The following FHIP2A variants were observed in gnomAD, a reference collection of about 807,000 sequenced individuals.
FHIP2A encodes the protein family with sequence similarity 160 member B1.
In FHIP2A, 46 loss-of-function variants were observed where a neutral mutation model predicts 93.5. The observed-to-expected ratio is 0.49, with a 90% CI of 0.39 to 0.63. The LOEUF is 0.63. FHIP2A is among the 20% of genes least tolerant of loss of function. The pLI, the probability that FHIP2A is intolerant of heterozygous loss-of-function variation, is 0.00. For synonymous variants in FHIP2A, 332 were observed against 326.5 expected (o/e 1.02, Z -0.18); for missense variants, 769 against 909.7 (o/e 0.85, Z 1.99).
At chr10:114,853,804 GC>G (rs1342439408) in intron 13 of FHIP2A, among the ~76,000 whole-genome samples, 1 of 152,112 alleles carries the variant, frequency 6.6e-6, no homozygotes, top group Non-Finnish European at 1.5e-5. Flanking sequence ...CTGGAGACCA[GC>G]CTGGCCAACA....
At chr10:114,888,111 GC>G (rs2083952097) in intron 16 of FHIP2A, among the ~76,000 whole-genome samples, 1 of 152,080 alleles carries the variant, frequency 6.6e-6, no homozygotes, top group South Asian at 2.1e-4. Context: ...TGCTTCTATG[GC>G]CCCAGCTCCC....
intron 2 of FHIP2A, among the ~76,000 whole-genome samples, chr10:114,832,496 G>A (rs961885915): frequency 6.6e-5 from 10 of 152,006 alleles, no homozygotes; most frequent in Non-Finnish European, 7.4e-5. Flanking sequence ...TTGCCTTCAT[G>A]TTCAAGGCCA....
intron 5 of FHIP2A, among the ~76,000 whole-genome samples, chr10:114,837,156 G>A (rs933922407): frequency 2.0e-4 from 31 of 152,100 alleles, no homozygotes; most frequent in South Asian, 2.1e-4. Flanking sequence ...CTCCTGCCTC[G>A]GCCTCCCAAA....
intron 16 of FHIP2A, among the ~76,000 whole-genome samples, chr10:114,886,413 T>G (rs749430308): frequency 6.6e-6 from 1 of 151,996 alleles, no homozygotes; most frequent in Non-Finnish European, 1.5e-5. Context: ...TTTAAAGTTT[T>G]CTCTGAAAGA....
rs149979609 is a variant in FHIP2A at position 114,846,208 on chromosome 10, G to A, written c.1239G>A (p.Leu413=). The A allele has an allele frequency of 2.5e-6, 4 of 1,614,026 alleles. No homozygotes were observed. Among genetic ancestry groups the A allele is most frequent in the Non-Finnish European group, 3.4e-6 (4 of 1,180,034 alleles). The stretch of plus-strand genomic sequence containing the variant: ...TGGGTATTCTCACATCCACTGCTCT[G>A]CTTCATCGCATCGTTCGGCAAGTGA... ...SEMGILTSTA[L]LHRIVRQVTS... Residue 413 remains leucine (L), a synonymous_variant, in exon 10 of 17, where the codon CTG becomes CTA. Coordinates refer to ENST00000369248, the MANE Select transcript of FHIP2A (RefSeq NM_020940.4).
chr10:114,823,994 A>T (rs2420065), intron 1 of FHIP2A, among the ~76,000 whole-genome samples: 2 of 152,012 alleles, frequency 1.3e-5, no homozygotes, highest in African/African-American at 2.4e-5. Context: ...TGAATTTGCC[A>T]TATTCAAGTA....
chr10:114,828,045 G>T (rs2083587406), intron 1 of FHIP2A, among the ~76,000 whole-genome samples: 1 of 151,628 alleles, frequency 6.6e-6, no homozygotes, highest in Admixed American at 6.6e-5. Flanking sequence ...TTTTTATGCA[G>T]TGATAAAACA....
Position 114,833,244 on chromosome 10 carries a change from C to T in FHIP2A, c.136C>T (p.Pro46Ser). The change falls in exon 3 of 17, where the codon CCA becomes TCA. Residue 46 changes from proline (P) to serine (S), a missense_variant. Coordinates refer to ENST00000369248, the MANE Select transcript of FHIP2A (RefSeq NM_020940.4). The stretch of plus-strand genomic sequence containing the variant: ...TTTTTATTGTTTAGATGATAAAGCC[C>T]CAGTGACCGATACAAATATTCCATC... ...YYIETSDDKA[P>S]VTDTNIPSHL... The T allele has an allele frequency of 6.2e-7, 1 of 1,607,608 alleles. No individual in the cohort carries two copies. Among genetic ancestry groups the T allele is most frequent in the South Asian group, 1.1e-5 (1 of 89,364 alleles).
intron 16 of FHIP2A, among the ~76,000 whole-genome samples, chr10:114,893,900 C>T (rs575930661): frequency 1.1e-4 from 16 of 151,964 alleles, no homozygotes; most frequent in African/African-American, 3.4e-4. Context: ...ATTGTACAGT[C>T]CTAATGAGAG....
intron 16 of FHIP2A, among the ~76,000 whole-genome samples, chr10:114,888,655 T>G (rs2143015864): frequency 6.6e-6 from 1 of 152,184 alleles, no homozygotes; most frequent in Non-Finnish European, 1.5e-5. Context: ...CAGGCTGGAG[T>G]GCAATGGTGC....
At position 114,858,830 on chromosome 10, in the gene FHIP2A, A is replaced by T. The variant is rs145132042; in HGVS notation, c.1948-1919A>T. ...ACAGTAGGGAAATTAGTTAACAAAA[A>T]CGTATTGTATATTTCAAAGGAGCTA... On this transcript the variant is annotated intron_variant, in intron 14 of 16. Transcript: ENST00000369248. Among the ~76,000 whole-genome samples, 140 of 152,212 alleles carry T rather than the reference A, an allele frequency of 9.2e-4. No homozygotes were observed. In the East Asian group the frequency reaches 0.013, roughly 14 times the overall value.
intron 2 of FHIP2A, among the ~76,000 whole-genome samples, chr10:114,832,763 G>A (rs1186308688): frequency 3.5e-5 from 5 of 144,620 alleles, no homozygotes; most frequent in Admixed American, 2.1e-4. Flanking sequence ...CCAGGCTGAC[G>A]TTCAGTGGTG....
intron 16 of FHIP2A, among the ~76,000 whole-genome samples, chr10:114,893,955 G>T (rs2083988113): frequency 6.6e-6 from 1 of 151,994 alleles, no homozygotes; most frequent in South Asian, 2.1e-4. Flanking sequence ...AAATATATCT[G>T]GGTTGTGAGA....
At chr10:114,870,191 ACTT>A (rs2083850253) in intron 16 of FHIP2A, among the ~76,000 whole-genome samples, 2 of 152,158 alleles carry the variant, frequency 1.3e-5, no homozygotes, top group Admixed American at 1.3e-4. Flanking sequence ...AATACCATTA[ACTT>A]CTTCTAACAG....
chr10:114,826,635 TAG>T lies in FHIP2A; in HGVS notation c.46-4212_46-4211del, dbSNP rs371039147. 4.5e-4 allele frequency among the ~76,000 whole-genome samples: 68 copies of T among 152,170 alleles called. 1 individual carries two copies. The East Asian group carries it at 0.013, about 29-fold the overall frequency. ...CTCTGGAAGGAAGTGAGCAAGACTT[TAG>T]AGAGGCAGAGAAGATGGGGAAGGTC... On this transcript the variant is annotated intron_variant, in intron 1 of 16. Coordinates refer to ENST00000369248, the MANE Select transcript of FHIP2A (RefSeq NM_020940.4).
intron 16 of FHIP2A, among the ~76,000 whole-genome samples, chr10:114,886,350 T>C (rs2083942639): frequency 1.3e-5 from 2 of 152,078 alleles, no homozygotes; most frequent in Non-Finnish European, 1.5e-5. Context: ...GGATGTTGGG[T>C]AACTATTTAT....
intron 1 of FHIP2A, among the ~76,000 whole-genome samples, chr10:114,829,217 A>G (rs1401609460): frequency 6.6e-6 from 1 of 150,496 alleles, no homozygotes; most frequent in Admixed American, 6.6e-5. Context: ...TTAATTGATC[A>G]TATGCTAAAC....
chr10:114,853,121 TAGTC>T (rs1404640978), intron 13 of FHIP2A, among the ~76,000 whole-genome samples: 56 of 152,224 alleles, frequency 3.7e-4, no homozygotes, highest in African/African-American at 1.1e-3. Flanking sequence ...TATAAGGTAA[TAGTC>T]AGTCTCTTGA....
In FHIP2A at chr10:114,836,193, A is replaced by G. The variant is rs2083636023; in HGVS notation, c.469A>G (p.Ile157Val). ...TENEEIQFLC[I>V]VCAKLKQDPY... The stretch of plus-strand genomic sequence containing the variant: ...AAATGAAGAGATTCAGTTTCTTTGC[A>G]TTGTGTGTGCGAAGCTGAAACAGGA... Residue 157 changes from isoleucine (I) to valine (V), a missense_variant, in exon 5 of 17, where the codon ATT becomes GTT. By Grantham distance (29) the Ile-to-Val change is conservative. Transcript: ENST00000369248. The G allele has an allele frequency of 1.2e-6, 2 of 1,604,246 alleles. No individual in the cohort carries two copies. The highest frequency in any genetic ancestry group is 2.2e-5 in the South Asian group (2 of 89,738).
Sources: gnomAD v4.1 joint callset for allele counts (sites outside exome capture counted in the v4.1 genomes callset) on GRCh38, gnomAD v4.1.1 for gene constraint, MANE v1.5 for transcripts, NCBI Gene and HGNC (gene_info 2026-07-23, HGNC 2026-07-21) for gene names.